The following NPLOC4 variants were observed in gnomAD, a reference collection of about 807,000 sequenced individuals.
The protein encoded by NPLOC4 is nuclear protein localization protein 4 homolog.
A neutral mutation model predicts 80.6 loss-of-function variants in NPLOC4; 18 were observed. That is an observed-to-expected ratio of 0.22 (90% CI 0.15 to 0.33). The LOEUF is 0.33. Ranked by LOEUF, NPLOC4 falls within the 10% of genes least tolerant of loss-of-function variation. The pLI is 1.00. For synonymous variants in NPLOC4, 313 were observed against 301.5 expected, an observed-to-expected ratio of 1.04 and a Z score of -0.39; for missense variants, 540 against 786.1, an observed-to-expected ratio of 0.69 and a Z score of 3.74.
At chr17:81,634,164 G>A (rs1002498871) in intron 1 of NPLOC4, among the ~76,000 whole-genome samples, 4 of 151,192 alleles carry the variant, frequency 2.6e-5, no homozygotes, top group Admixed American at 1.3e-4. Flanking sequence ...GAGCCACCAC[G>A]CCCTAATTTT....
In NPLOC4 at chr17:81,559,341, G is replaced by C. The variant is rs2033768822; in HGVS notation, c.1745C>G (p.Ala582Gly). ...CGTGCAGTGCTGACAGGCCCACATG[G>C]CTGCAGTGGCCGTGTGTGTGGAGCC... ...VGGSTHTATA[A>G]MWACQHCTFM... Residue 582 changes from alanine to glycine, a missense_variant, in exon 17 of 17, where the codon GCC (alanine) becomes GGC (glycine). Physicochemically the swap from Ala to Gly is moderately conservative, Grantham distance 60 (BLOSUM62 0). Coordinates refer to ENST00000331134, the MANE Select transcript of NPLOC4 (RefSeq NM_017921.4). 1.9e-6 allele frequency: 3 copies of C among 1,606,948 alleles called. No homozygotes were observed. The highest frequency in any genetic ancestry group is 2.5e-6 in the Non-Finnish European group (3 of 1,177,268).
chr17:81,628,106 G>A (rs2035843247), intron 2 of NPLOC4, among the ~76,000 whole-genome samples: 2 of 151,514 alleles, frequency 1.3e-5, no homozygotes, highest in African/African-American at 2.4e-5. Flanking sequence ...AGCTACTCGG[G>A]AGGCTGAGGC....
At chr17:81,565,723 A>G in intron 15 of NPLOC4, 116 bp from the exon 16 acceptor site, 1 of 756,368 alleles carries the variant, frequency 1.3e-6, no homozygotes, top group Non-Finnish European at 2.1e-6. Flanking sequence ...CATTTTAAAA[A>G]TCTTACAGGC....
chr17:81,596,293 T>C (rs868463378), intron 10 of NPLOC4, 51 bp from the exon 11 acceptor site: 5 of 1,571,302 alleles, frequency 3.2e-6, no homozygotes, highest in East Asian at 2.3e-5. Flanking sequence ...TGCCAAAATA[T>C]ACTTCTATTT....
rs1211374898 is a variant in NPLOC4 at position 81,581,623 on chromosome 17, C to T, written c.1281+7321G>A. On this transcript the variant is annotated intron_variant, in intron 12 of 16. Transcript: ENST00000331134. ...GCCACCTCTCCTCACTCCCCCACAA[C>T]GATTACAGAAATCAGCCAGTGAAGG... Among the ~76,000 whole-genome samples, 12 of 152,172 alleles carry T rather than the reference C, an allele frequency of 7.9e-5. 1 individual carries two copies. In the East Asian group the frequency reaches 1.5e-3, roughly 20 times the overall value.
At position 81,608,752 on chromosome 17, in the gene NPLOC4, C is replaced by T. The variant is rs1004307736; in HGVS notation, c.506G>A (p.Arg169Gln). The T allele has an allele frequency of 3.8e-6, 6 of 1,591,696 alleles. No homozygotes were observed. The highest frequency in any genetic ancestry group is 1.3e-5 in the African/African-American group (1 of 74,688). Residue 169 changes from arginine to glutamine, a missense_variant, in exon 6 of 17, where the codon CGG becomes CAG. Arg to Gln is a conservative substitution (Grantham distance 43). Around this residue, in one of 6 missense-constraint regions of NPLOC4, gnomAD observed 61 missense variants for 156.7 expected, o/e 0.39. Coordinates refer to ENST00000331134, the MANE Select transcript of NPLOC4 (RefSeq NM_017921.4). ...CTTGTCAGCCCCTCCAGTCAGCTTC[C>T]GGATGTAGGCGTGGAAGGACATGTG... ...VKHMSFHAYI[R>Q]KLTGGADKGK...
chr17:81,581,375 A>AAAAAAAAAAAGGTC (rs1555680405), intron 12 of NPLOC4, among the ~76,000 whole-genome samples: 1 of 72,810 alleles, frequency 1.4e-5, no homozygotes, highest in African/African-American at 4.7e-5. Flanking sequence ...AAAAAAAAAA[A>AAAAAAAAAAAGGTC]AGTTAATAAA....
At position 81,580,134 on chromosome 17, in the gene NPLOC4, C is replaced by A. The variant is rs953970282; in HGVS notation, c.1282-8046G>T. ...CCAAGGTGGGGTTCTCCTCAGCCAT[C>A]CCCTCCAGGATGGACAACTCGGCCT... On this transcript the variant is annotated intron_variant, in intron 12 of 16. Transcript: ENST00000331134. This position sits in a 1 kb window ranked among gnomAD's most constrained non-coding sequence, Gnocchi z 4.4. Among the ~76,000 whole-genome samples the A allele has an allele frequency of 6.6e-6, 1 of 152,194 alleles. No homozygotes were observed. The highest frequency in any genetic ancestry group is 6.5e-5 in the Admixed American group (1 of 15,282).
At chr17:81,617,302 C>G (rs2035523322) in intron 3 of NPLOC4, among the ~76,000 whole-genome samples, 1 of 152,198 alleles carries the variant, frequency 6.6e-6, no homozygotes, top group Non-Finnish European at 1.5e-5. Context: ...GAGACAGGGT[C>G]TTGCTCTGTT....
Position 81,559,354 on chromosome 17 carries a change from T to A in NPLOC4, c.1732A>T (p.Thr578Ser). The A allele has an allele frequency of 6.2e-7, 1 of 1,607,928 alleles. No individual in the cohort carries two copies. Among genetic ancestry groups the A allele is most frequent in the South Asian group, 1.1e-5 (1 of 89,940 alleles). Residue 578 changes from threonine (T) to serine (S), a missense_variant, in exon 17 of 17, where the codon ACG (threonine) becomes TCG (serine). Physicochemically the swap from Thr to Ser is moderately conservative, Grantham distance 58 (BLOSUM62 1). This residue lies in a region of NPLOC4 where 87 missense variants were observed against 70.3 expected (regional missense o/e 1.24). Transcript: ENST00000331134. ...CAGGCCCACATGGCTGCAGTGGCCG[T>A]GTGTGTGGAGCCCCCGACGGCGCCG... ...EYGAVGGSTHTATAAMWACQH... is the reference protein window; with the variant it reads ...EYGAVGGSTHSATAAMWACQH...
intron 3 of NPLOC4, among the ~76,000 whole-genome samples, chr17:81,617,796 T>G (rs531198297): frequency 6.6e-6 from 1 of 152,084 alleles, no homozygotes; most frequent in African/African-American, 2.4e-5. Flanking sequence ...GTGCCTGCGA[T>G]TGCAGGCGCG....
At chr17:81,582,387 G>C (rs571149541) in intron 12 of NPLOC4, among the ~76,000 whole-genome samples, 30 of 152,214 alleles carry the variant, frequency 2.0e-4, no homozygotes, top group Non-Finnish European at 3.8e-4. Flanking sequence ...GCATCTAGCG[G>C]TGTTCTGTGT....
Position 81,572,606 on chromosome 17 carries a change from C to T in NPLOC4, c.1282-518G>A, listed in dbSNP as rs1227839762. Among the ~76,000 whole-genome samples the T allele has an allele frequency of 1.3e-5, 2 of 152,234 alleles. No individual in the cohort carries two copies. Among genetic ancestry groups the T allele is most frequent in the African/African-American group, 2.4e-5 (1 of 41,464 alleles). On this transcript the variant is annotated intron_variant, in intron 12 of 16. Coordinates refer to ENST00000331134, the MANE Select transcript of NPLOC4 (RefSeq NM_017921.4). The surrounding 1 kb of genome is among the most constrained non-coding windows in gnomAD (Gnocchi z 4.5). ...CATTTCTTGGAGCTCATTATAACCA[C>T]AGCCTGAAAAAGCAGTCGTGCTCTC... is the stretch of plus-strand genomic sequence containing the variant.
At chr17:81,623,286 A>T (rs1294967668) in intron 2 of NPLOC4, among the ~76,000 whole-genome samples, 3 of 147,862 alleles carry the variant, frequency 2.0e-5, no homozygotes, top group Non-Finnish European at 4.5e-5. Context: ...CCTGGTCAAC[A>T]TAGTGAAACC....
intron 12 of NPLOC4, among the ~76,000 whole-genome samples, chr17:81,582,412 G>T (rs1275092860): frequency 1.3e-5 from 2 of 152,200 alleles, no homozygotes; most frequent in African/African-American, 2.4e-5. Context: ...ATGTATGTCT[G>T]CATGTTTTTG....
chr17:81,608,984 A>G, intron 5 of NPLOC4, 162 bp from the exon 6 acceptor site: 2 of 515,878 alleles, frequency 3.9e-6, no homozygotes, highest in East Asian at 3.1e-5. Context: ...CTGAGTCAGA[A>G]CCAAGTTTTT....
At chr17:81,620,590 G>A (rs1395710496) in intron 3 of NPLOC4, among the ~76,000 whole-genome samples, 1 of 152,152 alleles carries the variant, frequency 6.6e-6, no homozygotes, top group Admixed American at 6.6e-5. Flanking sequence ...GACCTGCTTG[G>A]TGCTTGCAAT....
At chr17:81,589,896 C>G (rs1450108269) in intron 11 of NPLOC4, among the ~76,000 whole-genome samples, 1 of 151,706 alleles carries the variant, frequency 6.6e-6, no homozygotes, top group Non-Finnish European at 1.5e-5. Context: ...GCATCTGCCC[C>G]TAAAACCAGG....
In NPLOC4 at chr17:81,619,079, G is replaced by C. The variant is rs536367948; in HGVS notation, c.209+3087C>G. On this transcript the variant is annotated intron_variant, in intron 3 of 16. Coordinates refer to ENST00000331134, the MANE Select transcript of NPLOC4 (RefSeq NM_017921.4). Reference sequence around the variant, plus strand: ...ACACAAACACTGCGGAAGGCCGCAGGGTCCTCTGCCTAGGAAAACCAGAGA... The same window carrying C: ...ACACAAACACTGCGGAAGGCCGCAGCGTCCTCTGCCTAGGAAAACCAGAGA... 2.2e-3 allele frequency among the ~76,000 whole-genome samples: 338 copies of C among 151,748 alleles called. 5 individuals carry two copies. The highest frequency in any genetic ancestry group is 8.0e-3 in the African/African-American group (330 of 41,292).
Sources: allele counts gnomAD v4.1 joint callset (sites outside exome capture counted in the v4.1 genomes callset), GRCh38; gene constraint gnomAD v4.1.1; regional missense constraint gnomAD v4.1.1; non-coding constraint Gnocchi (gnomAD v3.1); transcripts MANE v1.5; gene names NCBI Gene and HGNC (gene_info 2026-07-23, HGNC 2026-07-21).